Variants in TEP1 observed in about 807,000 individuals in gnomAD.
TEP1 encodes telomerase protein component 1.
TEP1 carries 241 observed loss-of-function variants against 306.3 expected under a neutral mutation model. The observed-to-expected ratio is 0.79, with a 90% CI of 0.71 to 0.88. TEP1 has a LOEUF of 0.88. Ranked by LOEUF, TEP1 falls within the 40% of genes least tolerant of loss-of-function variation. TEP1 has a pLI of 0.00. For synonymous variants in TEP1, 1,289 were observed against 1,305.5 expected, an observed-to-expected ratio of 0.99 and a Z score of 0.27; for missense variants, 3,051 against 3,276.1, an observed-to-expected ratio of 0.93 and a Z score of 1.68.
At chr14:20,403,159 C>CAAA (rs61465318) in intron 7 of TEP1, among the ~76,000 whole-genome samples, 17 of 83,162 alleles carry the variant, frequency 2.0e-4, no homozygotes, top group Admixed American at 4.3e-4. Flanking sequence ...AACTTCATCT[C>CAAA]AAAAAAAAAA....
At chr14:20,410,799 GTGGTTTTTTTTTTT>G (rs1566489280) in intron 1 of TEP1, among the ~76,000 whole-genome samples, 15 of 115,442 alleles carry the variant, frequency 1.3e-4, no homozygotes, top group Middle Eastern at 4.9e-3. Flanking sequence ...TTTCTCCTTT[GTGGTTTTTTTTTTT>G]TTTTTTTTTT....
intron 43 of TEP1, among the ~76,000 whole-genome samples, chr14:20,375,096 C>CA (rs1278388248): frequency 5.8e-4 from 39 of 67,678 alleles, no homozygotes; most frequent in South Asian, 4.3e-3. Context: ...TGTCTCAAAA[C>CA]AAAAAAAAAA....
At position 20,381,851 on chromosome 14, in the gene TEP1, C is replaced by T; in HGVS notation, c.4424+62G>A. 6.3e-7 allele frequency: 1 copy of T among 1,592,380 alleles called. No individual in the cohort carries two copies. Among genetic ancestry groups the T allele is most frequent in the Non-Finnish European group, 8.5e-7 (1 of 1,170,014 alleles). On this transcript the variant is annotated intron_variant, in intron 30 of 54. Coordinates refer to ENST00000262715, the MANE Select transcript of TEP1 (RefSeq NM_007110.5). This position sits in a 1 kb window ranked among gnomAD's most constrained non-coding sequence, Gnocchi z 4.0. ...CCAGTTGTTGAAGCTATACAGAGGGCCCCGGCTCAAAGAAGGGAAGGCACA... is the reference window on the plus strand; with the variant it reads ...CCAGTTGTTGAAGCTATACAGAGGGTCCCGGCTCAAAGAAGGGAAGGCACA...
chr14:20,378,606 G>GAGCA (rs1885341798), intron 37 of TEP1, 71 bp from the exon 38 acceptor site: 1 of 1,604,874 alleles, frequency 6.2e-7, no homozygotes, highest in African/African-American at 1.3e-5. Flanking sequence ...AGACCTCCAG[G>GAGCA]AGCAACCTTG....
At chr14:20,403,159 CAAA>C (rs61465318) in intron 7 of TEP1, among the ~76,000 whole-genome samples, 2,753 of 83,190 alleles carry the variant, frequency 0.033, 55 homozygotes, top group African/African-American at 0.1. Context: ...AACTTCATCT[CAAA>C]AAAAAAAAAA....
intron 29 of TEP1, 73 bp downstream of exon 29, chr14:20,382,151 G>A: frequency 6.2e-7 from 1 of 1,612,356 alleles, no homozygotes; most frequent in East Asian, 2.2e-5. Flanking sequence ...ACTGCCTGCT[G>A]AGACCCCAAG....
At chr14:20,382,488 T>C (rs1876663017) in intron 28 of TEP1, 132 bp from the exon 29 acceptor site, 2 of 1,521,350 alleles carry the variant, frequency 1.3e-6, no homozygotes, top group East Asian at 4.5e-5. Context: ...AGGAGGGAAG[T>C]GAGGCGAGGT....
At chr14:20,386,239 T>A in intron 19 of TEP1, 44 bp from the exon 20 acceptor site, 3 of 1,612,620 alleles carry the variant, frequency 1.9e-6, no homozygotes, top group Non-Finnish European at 2.5e-6. Flanking sequence ...ACTGGGGGCA[T>A]GGTATCAGGG....
intron 51 of TEP1, 107 bp from the exon 52 acceptor site, chr14:20,369,886 T>A (rs529977342): frequency 5.2e-6 from 4 of 770,892 alleles, no homozygotes; most frequent in East Asian, 2.7e-5. Context: ...TTTTTTTTTT[T>A]AACTACAACT....
intron 35 of TEP1, among the ~76,000 whole-genome samples, 188 bp from the exon 36 acceptor site, chr14:20,379,293 TAC>T (rs920298346): frequency 3.9e-5 from 6 of 152,254 alleles, no homozygotes; most frequent in Non-Finnish European, 7.3e-5. Flanking sequence ...TTTTCTCCCC[TAC>T]TCCAAACCCC....
intron 1 of TEP1, among the ~76,000 whole-genome samples, chr14:20,411,928 C>T (rs532050555): frequency 4.0e-5 from 6 of 151,504 alleles, no homozygotes; most frequent in African/African-American, 1.5e-4. Context: ...GCCTGGGCAA[C>T]ATAGTGAGAC....
chr14:20,400,726 G>T, intron 9 of TEP1: 1 of 451,370 alleles, frequency 2.2e-6, no homozygotes, highest in Non-Finnish European at 4.0e-6. Context: ...GAGAGAGAAG[G>T]TACTTTTGTC....
chr14:20,396,790 G>T, intron 9 of TEP1, 60 bp from the exon 10 acceptor site: 1 of 1,235,930 alleles, frequency 8.1e-7, no homozygotes, highest in Non-Finnish European at 1.2e-6. Context: ...ACAGTGGCAT[G>T]CACCTATAAT....
chr14:20,410,795 CTTTGTGGTTTTTTTTT>C (rs1156982379), intron 1 of TEP1, among the ~76,000 whole-genome samples: 1 of 76,994 alleles, frequency 1.3e-5, no homozygotes, highest in Non-Finnish European at 2.5e-5. Flanking sequence ...ATTGTTTCTC[CTTTGTGGTTTTTTTTT>C]TTTTTTTTTT....
intron 18 of TEP1, among the ~76,000 whole-genome samples, chr14:20,387,562 A>T (rs1443566328): frequency 1.3e-5 from 2 of 151,498 alleles, no homozygotes; most frequent in Non-Finnish European, 2.9e-5. Flanking sequence ...AAAAAAAAAA[A>T]GAAATTAAGC....
intron 14 of TEP1, 22 bp from the exon 15 acceptor site, chr14:20,390,780 T>A: frequency 6.2e-7 from 1 of 1,613,784 alleles, no homozygotes; most frequent in East Asian, 2.2e-5. Flanking sequence ...AGACTTCATG[T>A]TATGTGGTTG....
Position 20,378,481 on chromosome 14 carries a change from G to A in TEP1, c.5407C>T (p.Leu1803=), listed in dbSNP as rs774475423. 6.2e-7 allele frequency: 1 copy of A among 1,614,226 alleles called. No homozygotes were observed. The highest frequency in any genetic ancestry group is 8.5e-7 in the Non-Finnish European group (1 of 1,180,042). Residue 1803 remains leucine (L), a synonymous_variant, in exon 38 of 55, where the codon CTG becomes TTG. Coordinates refer to ENST00000262715, the MANE Select transcript of TEP1 (RefSeq NM_007110.5). The part of the protein sequence containing the change: ...LAFQHTYPKS[L]NCVAFHPEGQ... The stretch of plus-strand genomic sequence containing the variant: ...TCTGGGTGGAAGGCAACACAGTTCA[G>A]GGACTTGGGGTAGGTGTGCTGGAAG...
In TEP1 at chr14:20,369,729, G is replaced by C. The variant is rs1177972564; in HGVS notation, c.7368C>G (p.Asn2456Lys). Reference protein sequence around the residue: ...EFEERLNFDINLENPSRTLIS... With the variant: ...EFEERLNFDIKLENPSRTLIS... The stretch of plus-strand genomic sequence containing the variant: ...TTAGGGTCCTACTAGGATTCTCTAA[G>C]TTTATATCAAAGTTCAGCCTCTCTT... The change falls in exon 52 of 55, where the codon AAC (asparagine) becomes AAG (lysine). Residue 2456 changes from asparagine to lysine, a missense_variant. Physicochemically the swap from Asn to Lys is moderately conservative, Grantham distance 94. Around this residue, in one of 3 missense-constraint regions of TEP1, gnomAD observed 1,540 missense variants for 1,705.9 expected, o/e 0.90. Coordinates refer to ENST00000262715, the MANE Select transcript of TEP1 (RefSeq NM_007110.5). The C allele has an allele frequency of 6.2e-7, 1 of 1,614,010 alleles. No homozygotes were observed. The highest frequency in any genetic ancestry group is 1.3e-5 in the African/African-American group (1 of 74,908).
intron 2 of TEP1, 51 bp from the exon 3 acceptor site, chr14:20,406,451 A>T: frequency 6.3e-7 from 1 of 1,598,310 alleles, no homozygotes; most frequent in South Asian, 1.1e-5. Context: ...ACAGCCCCTC[A>T]AAGCCAGATG....
Sources: allele counts gnomAD v4.1 joint callset (sites outside exome capture counted in the v4.1 genomes callset), GRCh38; gene constraint gnomAD v4.1.1; regional missense constraint gnomAD v4.1.1; non-coding constraint Gnocchi (gnomAD v3.1); transcripts MANE v1.5; gene names NCBI Gene and HGNC (gene_info 2026-07-23, HGNC 2026-07-21).